The following ATAD2B variants were observed in gnomAD, a reference collection of about 807,000 sequenced individuals.
The protein encoded by ATAD2B is ATPase family AAA domain-containing protein 2B.
In ATAD2B, 40 loss-of-function variants were observed where a neutral mutation model predicts 167.6. The observed-to-expected ratio is 0.24, with a 90% CI of 0.19 to 0.31. The LOEUF is 0.31. ATAD2B is among the 10% of genes least tolerant of loss of function. The probability of loss-of-function intolerance (pLI) is 1.00; values close to 1 mark genes in which losing one functional copy is unlikely to be tolerated. For missense variants in ATAD2B, 1,242 were observed against 1,757.2 expected, an observed-to-expected ratio of 0.71 and a Z score of 5.24; for synonymous variants, 579 against 596.5, an observed-to-expected ratio of 0.97 and a Z score of 0.43.
chr2:23,877,995 G>A (rs1223770162), intron 7 of ATAD2B, among the ~76,000 whole-genome samples: 2 of 72,994 alleles, frequency 2.7e-5, no homozygotes, highest in Non-Finnish European at 5.5e-5. Context: ...ACTCCAGCCT[G>A]GATGACCCTA....
chr2:23,797,999 T>C (rs1572796005), intron 19 of ATAD2B, 139 bp downstream of exon 19: 1 of 517,150 alleles, frequency 1.9e-6, no homozygotes, highest in Non-Finnish European at 3.3e-6. Flanking sequence ...ACCTACATCA[T>C]ACAGCTAATA....
At chr2:23,858,837 G>A (rs1420740193) in intron 12 of ATAD2B, among the ~76,000 whole-genome samples, 1 of 151,824 alleles carries the variant, frequency 6.6e-6, no homozygotes, top group Admixed American at 6.5e-5. Flanking sequence ...ATGTGCCACA[G>A]TTAAACCTGT....
At chr2:23,898,517 T>C (rs887242392) in intron 1 of ATAD2B, among the ~76,000 whole-genome samples, 9 of 152,232 alleles carry the variant, frequency 5.9e-5, no homozygotes, top group Non-Finnish European at 1.0e-4. Flanking sequence ...TGATGTCATA[T>C]GTCTTCCTAA....
intron 1 of ATAD2B, among the ~76,000 whole-genome samples, chr2:23,906,279 T>C (rs1292750116): frequency 6.6e-6 from 1 of 151,792 alleles, no homozygotes; most frequent in African/African-American, 2.4e-5. Flanking sequence ...AGGCGGAGGC[T>C]GCAGTGAGCC....
chr2:23,836,427 C>T (rs941799561), intron 13 of ATAD2B, among the ~76,000 whole-genome samples: 1 of 152,180 alleles, frequency 6.6e-6, no homozygotes, highest in African/African-American at 2.4e-5. Flanking sequence ...AGGGCTGCAG[C>T]TCTTCTCTCC....
chr2:23,740,993 A>G, the ATAD2B span, among the ~76,000 whole-genome samples: 365 of 152,294 alleles, frequency 2.4e-3, 2 homozygotes, highest in African/African-American at 8.2e-3. Flanking sequence ...TCCAACTTAC[A>G]AGGGATGTGA....
At chr2:23,747,310 T>C (rs972124730), downstream of ATAD2B, among the ~76,000 whole-genome samples, 3 of 151,282 alleles carry the variant, frequency 2.0e-5, no homozygotes, top group African/African-American at 7.3e-5. Context: ...TATATATACA[T>C]ATGTGTAATA....
chr2:23,703,446 A>T, the ATAD2B span: 2 of 1,334,386 alleles, frequency 1.5e-6, no homozygotes, highest in South Asian at 1.5e-5. Flanking sequence ...TTTGTTCAGT[A>T]TCCCATGCCC....
chr2:23,758,136 C>T (rs1296219703), intron 24 of ATAD2B, 35 bp from the exon 25 acceptor site: 2 of 1,465,532 alleles, frequency 1.4e-6, no homozygotes, highest in African/African-American at 1.4e-5. Flanking sequence ...ATATGTAGAA[C>T]TTGGAATGCA....
intron 12 of ATAD2B, among the ~76,000 whole-genome samples, chr2:23,862,326 A>G (rs183775640): frequency 6.6e-6 from 1 of 151,896 alleles, no homozygotes; most frequent in African/African-American, 2.4e-5. Context: ...ATAATCAAAT[A>G]TATGCTGCAT....
chr2:23,901,554 C>T (rs976490247), intron 1 of ATAD2B, among the ~76,000 whole-genome samples: 4 of 151,942 alleles, frequency 2.6e-5, no homozygotes, highest in Admixed American at 1.3e-4. Context: ...ATTACAAAAA[C>T]GTACCCTATT....
intron 18 of ATAD2B, chr2:23,809,163 T>C (rs1231804740): frequency 6.6e-6 from 1 of 152,164 alleles, no homozygotes; most frequent in Non-Finnish European, 1.5e-5. Flanking sequence ...GCATACAACC[T>C]GCAGTAATTT....
In ATAD2B at chr2:23,781,377, T is replaced by TAATC. The variant is rs1377266256; in HGVS notation, c.3133+1488_3133+1491dup. ...ATAAATAAATAAATAAATAAATAAA[T>TAATC]AATCAGGCTGGGCACAGTGGCTCAG... On this transcript the variant is annotated intron_variant, in intron 22 of 27. Coordinates refer to ENST00000238789, the MANE Select transcript of ATAD2B (RefSeq NM_017552.4). Among the ~76,000 whole-genome samples, 390 of 149,660 alleles carry TAATC rather than the reference T, an allele frequency of 2.6e-3. 1 individual carries two copies. The highest frequency in any genetic ancestry group is 6.0e-3 in the African/African-American group (242 of 40,032).
chr2:23,776,461 T>C (rs917557498), intron 22 of ATAD2B, among the ~76,000 whole-genome samples: 2 of 152,222 alleles, frequency 1.3e-5, no homozygotes, highest in Non-Finnish European at 2.9e-5. Flanking sequence ...TGTGTATCTC[T>C]AGCCTTAAAC....
chr2:23,809,552 A>T (rs1350969699), intron 18 of ATAD2B, among the ~76,000 whole-genome samples: 1 of 152,190 alleles, frequency 6.6e-6, no homozygotes, highest in East Asian at 1.9e-4. Flanking sequence ...TACTCCAGTT[A>T]TTTAACTCTA....
rs1023032018 is a variant in ATAD2B at position 23,922,693 on chromosome 2, C to T, written c.216+3862G>A. Among the ~76,000 whole-genome samples the T allele has an allele frequency of 2.8e-5, 3 of 108,006 alleles. No homozygotes were observed. In the East Asian group the frequency reaches 8.3e-4, roughly 30 times the overall value. The allele number at this position is 108,006 out of a possible 152,430, so 70.9% of individuals were successfully genotyped here. ...CTCCAGCCTGGGCATCAGAGTAAGA[C>T]TCTGTCTCAAAAAAAAAAAAAAAGG... On this transcript the variant is annotated intron_variant, in intron 1 of 27. Transcript: ENST00000238789.
chr2:23,757,422 T>G lies in ATAD2B; in HGVS notation c.4074A>C (p.Lys1358Asn). ...DVEVKDAELD[K>N]EGASKVKKYR... ...TTTTTCAAATATTAGCTCTACCTTC[T>G]TTATCCAGTTCTGCATCTTTAACCT... is the stretch of plus-strand genomic sequence containing the variant. The change falls in exon 25 of 28, where the codon AAA (lysine) becomes AAC (asparagine). Residue 1358 changes from lysine (K) to asparagine (N), a missense_variant. This residue lies in a region of ATAD2B where 282 missense variants were observed against 346.8 expected (regional missense o/e 0.81). Transcript: ENST00000238789. 1 of 1,481,160 alleles carries G rather than the reference T, an allele frequency of 6.8e-7. No homozygotes were observed. The highest frequency in any genetic ancestry group is 2.4e-5 in the East Asian group (1 of 41,524). 91.8% of individuals were successfully genotyped at this position (1,481,160 alleles called of 1,614,324 possible).
intron 17 of ATAD2B, among the ~76,000 whole-genome samples, chr2:23,818,264 G>A (rs1371979670): frequency 8.6e-6 from 1 of 116,162 alleles, no homozygotes; most frequent in Admixed American, 8.6e-5. Context: ...AGAGGGAGAC[G>A]GAGGGAGGGA....
chr2:23,833,772 A>G (rs1689442747), intron 14 of ATAD2B, 147 bp downstream of exon 14: 5 of 656,112 alleles, frequency 7.6e-6, no homozygotes, highest in Non-Finnish European at 9.7e-6. Context: ...ACTGTTCCAT[A>G]ATTACATAGG....
Sources: allele counts gnomAD v4.1 joint callset (sites outside exome capture counted in the v4.1 genomes callset), GRCh38; gene constraint gnomAD v4.1.1; regional missense constraint gnomAD v4.1.1; transcripts MANE v1.5; gene names NCBI Gene and HGNC (gene_info 2026-07-23, HGNC 2026-07-21).